NNT: variants seen among roughly 807,000 people sequenced by gnomAD.
NNT encodes NAD(P) transhydrogenase, mitochondrial.
Under a neutral mutation model 104.8 loss-of-function variants are expected in NNT, and 50 were observed. That is an observed-to-expected ratio of 0.48 (90% CI 0.38 to 0.60). The LOEUF (loss-of-function observed/expected upper bound fraction) is 0.60. NNT is among the 20% of genes least tolerant of loss of function. The probability of loss-of-function intolerance (pLI) is 0.00; values close to 1 mark genes in which losing one functional copy is unlikely to be tolerated. For synonymous variants in NNT, 461 were observed against 490.4 expected (o/e 0.94, Z 0.79); for missense variants, 1,131 against 1,330.7 (o/e 0.85, Z 2.33).
intron 7 of NNT, among the ~76,000 whole-genome samples, chr5:43,639,952 TATAATG>T (rs1187801010): frequency 6.6e-6 from 1 of 152,034 alleles, no homozygotes; most frequent in Admixed American, 6.6e-5. Context: ...GTTTAGGAAA[TATAATG>T]ATCTTTTTGT....
chr5:43,642,857 C>G (rs1307482055), intron 7 of NNT, among the ~76,000 whole-genome samples: 1 of 152,072 alleles, frequency 6.6e-6, no homozygotes, highest in Non-Finnish European at 1.5e-5. Context: ...TCTGTAAACA[C>G]AGAATTGAAA....
intron 15 of NNT, among the ~76,000 whole-genome samples, chr5:43,656,342 C>G (rs1740045083): frequency 6.6e-6 from 1 of 152,086 alleles, no homozygotes; most frequent in African/African-American, 2.4e-5. Context: ...AACAGTAAAA[C>G]TGTTAGGTGA....
intron 19 of NNT, among the ~76,000 whole-genome samples, chr5:43,693,204 TC>T (rs1742380863): frequency 6.6e-6 from 1 of 152,196 alleles, no homozygotes; most frequent in Non-Finnish European, 1.5e-5. Context: ...CTTGGAAACT[TC>T]CATTCATCAT....
rs1749939038 is a variant in NNT at position 43,619,144 on chromosome 5, T to C, written c.687+25T>C. On this transcript the variant is annotated intron_variant, in intron 5 of 21. Coordinates refer to ENST00000344920, the MANE Select transcript of NNT (RefSeq NM_182977.3). The stretch of plus-strand genomic sequence containing the variant: ...GGTAGGTACAACTTTTAATGTTTCT[T>C]TATAATATGCATTGATTAAAGGAAA... The C allele has an allele frequency of 2.2e-6, 3 of 1,366,248 alleles. No individual in the cohort carries two copies. In the East Asian group the frequency reaches 7.2e-5, roughly 33 times the overall value. The allele number at this position is 1,366,248 out of a possible 1,614,324, so 84.6% of individuals were successfully genotyped here. A position where few individuals can be genotyped will look rare whatever the true frequency, so the allele number is the denominator to read the frequency against.
intron 17 of NNT, among the ~76,000 whole-genome samples, chr5:43,671,440 TG>T (rs1472537804): frequency 6.6e-6 from 1 of 152,262 alleles, no homozygotes; most frequent in Non-Finnish European, 1.5e-5. Context: ...CCTTTCCATG[TG>T]TAGTGCTTCC....
At chr5:43,645,934 C>T (rs1450251366) in intron 10 of NNT, among the ~76,000 whole-genome samples, 1 of 151,496 alleles carries the variant, frequency 6.6e-6, no homozygotes. Context: ...AGGATGGTCT[C>T]GATCTCCTGA....
intron 19 of NNT, among the ~76,000 whole-genome samples, chr5:43,689,810 T>A (rs187716052): frequency 1.3e-3 from 197 of 152,214 alleles, no homozygotes; most frequent in African/African-American, 4.4e-3. Context: ...ATAGAAAGTA[T>A]AAATAAAAAG....
At chr5:43,643,702 G>T (rs1362017680) in intron 7 of NNT, among the ~76,000 whole-genome samples, 1 of 152,176 alleles carries the variant, frequency 6.6e-6, no homozygotes, top group Admixed American at 6.5e-5. Context: ...AATATGATGT[G>T]TTAGAAAATC....
chr5:43,643,608 T>C (rs1375844864), intron 7 of NNT, among the ~76,000 whole-genome samples: 1 of 152,190 alleles, frequency 6.6e-6, no homozygotes, highest in Non-Finnish European at 1.5e-5. Context: ...CTAAACCTTT[T>C]GGAGTTGTAG....
intron 19 of NNT, among the ~76,000 whole-genome samples, chr5:43,688,910 G>T (rs1267541009): frequency 1.3e-5 from 2 of 152,186 alleles, no homozygotes; most frequent in African/African-American, 4.8e-5. Flanking sequence ...TAGATACCTA[G>T]CAGTGGGATT....
chr5:43,641,383 T>G (rs1030384290), intron 7 of NNT, among the ~76,000 whole-genome samples: 1 of 152,156 alleles, frequency 6.6e-6, no homozygotes, highest in Non-Finnish European at 1.5e-5. Context: ...AGCTGCACTG[T>G]TACATTCATG....
chr5:43,673,160 T>G (rs1334701453), intron 17 of NNT, among the ~76,000 whole-genome samples: 2 of 152,222 alleles, frequency 1.3e-5, no homozygotes, highest in East Asian at 3.8e-4. Flanking sequence ...GGGAGTGACC[T>G]GATTTTCCGG....
chr5:43,692,781 A>G (rs1464287243), intron 19 of NNT, among the ~76,000 whole-genome samples: 1 of 152,174 alleles, frequency 6.6e-6, no homozygotes, highest in Non-Finnish European at 1.5e-5. Context: ...ATCTGTTATC[A>G]GTATTGATTC....
At chr5:43,672,377 T>C (rs373472400) in intron 17 of NNT, among the ~76,000 whole-genome samples, 2 of 152,236 alleles carry the variant, frequency 1.3e-5, no homozygotes, top group East Asian at 1.9e-4. Flanking sequence ...TTTAGAATTT[T>C]CAGCTTTTCT....
rs1751408210 is a variant in NNT at position 43,644,695 on chromosome 5, C to T, written c.1183C>T (p.Leu395Phe). The change falls in exon 9 of 22, where the codon CTC (leucine) becomes TTC (phenylalanine). Residue 395 changes from leucine (L) to phenylalanine (F), a missense_variant. By Grantham distance (22) the Leu-to-Phe change is conservative. Transcript: ENST00000344920. ...CCTATATTCCAACAACATCACCAAA[C>T]TCCTGAAGGCCATCAGCCCGGACAA... ...STLYSNNITK[L>F]LKAISPDKDN... is the part of the protein sequence containing the mutation. The T allele has an allele frequency of 1.9e-6, 3 of 1,614,180 alleles. No individual in the cohort carries two copies. Among genetic ancestry groups the T allele is most frequent in the Middle Eastern group, 1.6e-4 (1 of 6,062 alleles).
At chr5:43,611,807 C>G (rs926335351) in intron 2 of NNT, among the ~76,000 whole-genome samples, 1 of 152,100 alleles carries the variant, frequency 6.6e-6, no homozygotes, top group African/African-American at 2.4e-5. Flanking sequence ...AACAGATACT[C>G]TTCATTAAAA....
At position 43,655,951 on chromosome 5, in the gene NNT, T is replaced by C; in HGVS notation, c.2171T>C (p.Ile724Thr). Residue 724 changes from isoleucine (I) to threonine (T), a missense_variant, in exon 15 of 22, where the codon ATA becomes ACA. By Grantham distance (89) the Ile-to-Thr change is moderately conservative (BLOSUM62 -1). Coordinates refer to ENST00000344920, the MANE Select transcript of NNT (RefSeq NM_182977.3). ...CTTACTTGCATAGCTGAGTACATTA[T>C]AGAATATCCACATTTTGCTACGGAT... ...AVLTCIAEYI[I>T]EYPHFATDAA... The C allele has an allele frequency of 1.2e-6, 2 of 1,614,238 alleles. No homozygotes were observed. Among genetic ancestry groups the C allele is most frequent in the African/African-American group, 2.7e-5 (2 of 75,074 alleles).
intron 17 of NNT, among the ~76,000 whole-genome samples, chr5:43,659,626 G>C (rs1337773970): frequency 6.6e-6 from 1 of 152,056 alleles, no homozygotes; most frequent in Non-Finnish European, 1.5e-5. Flanking sequence ...CTACTTGGTA[G>C]GCTGAGGCAG....
intron 14 of NNT, among the ~76,000 whole-genome samples, chr5:43,653,995 T>C (rs938223634): frequency 1.3e-5 from 2 of 152,034 alleles, no homozygotes; most frequent in Admixed American, 6.6e-5. Context: ...ATTTTTAAAG[T>C]TGATTGTTAA....
Sources: allele counts gnomAD v4.1 joint callset (sites outside exome capture counted in the v4.1 genomes callset), GRCh38; gene constraint gnomAD v4.1.1; transcripts MANE v1.5; gene names NCBI Gene and HGNC (gene_info 2026-07-23, HGNC 2026-07-21).